The following SETD2 variants were observed in gnomAD, a reference collection of about 807,000 sequenced individuals.
The protein encoded by SETD2 is SET domain containing 2, histone lysine methyltransferase.
A neutral mutation model predicts 242.1 loss-of-function variants in SETD2; 31 were observed. That is an observed-to-expected ratio of 0.13 (90% CI 0.10 to 0.17). The LOEUF is 0.17. Among genes scored for constraint, SETD2 ranks in the 10% least tolerant of loss-of-function variants. The pLI, the probability that SETD2 is intolerant of heterozygous loss-of-function variation, is 1.00. For synonymous variants in SETD2, 1,006 were observed against 1,066.5 expected (o/e 0.94, Z 1.11); for missense variants, 2,481 against 3,046.3 (o/e 0.81, Z 4.37).
chr3:47,123,988 A>G lies in SETD2; in HGVS notation c.648T>C (p.His216=), dbSNP rs2106717137. ...APVTEPVALP[H]TPITVLMAAP... is the part of the protein sequence containing the mutation. ...CTGCCATTAGAACTGTTATTGGTGT[A>G]TGTGGCAAGGCCACTGGCTCTGTTA... Residue 216 remains histidine (H), a synonymous_variant, in exon 3 of 21, where the codon CAT becomes CAC. Transcript: ENST00000409792. The G allele has an allele frequency of 6.4e-7, 1 of 1,552,106 alleles. No individual in the cohort carries two copies. Among genetic ancestry groups the G allele is most frequent in the Non-Finnish European group, 8.7e-7 (1 of 1,146,922 alleles).
At chr3:47,039,137 A>G (rs1258307885) in intron 17 of SETD2, among the ~76,000 whole-genome samples, 3 of 152,172 alleles carry the variant, frequency 2.0e-5, no homozygotes, top group Non-Finnish European at 4.4e-5. Flanking sequence ...AAATATATAC[A>G]TGTCTGTTCT....
Position 47,126,632 on chromosome 3 carries a change from G to A in SETD2, c.87+16C>T, listed in dbSNP as rs189001727. The A allele has an allele frequency of 5.7e-3, 7,419 of 1,306,892 alleles. 30 individuals carry two copies. Among genetic ancestry groups the A allele is most frequent in the Non-Finnish European group, 6.6e-3 (6,159 of 932,204 alleles). 81.0% of individuals were successfully genotyped at this position (1,306,892 alleles called of 1,614,324 possible). ...CCATCTCATAATCATTGAATGACTA[G>A]TTAAATTATACTTACCTCATTTTCT... On this transcript the variant is annotated intron_variant, in intron 2 of 20. Coordinates refer to ENST00000409792, the MANE Select transcript of SETD2 (RefSeq NM_014159.7).
intron 13 of SETD2, among the ~76,000 whole-genome samples, chr3:47,066,764 G>GA (rs528829322): frequency 6.6e-6 from 1 of 150,848 alleles, no homozygotes; most frequent in Non-Finnish European, 1.5e-5. Context: ...AATAATAAAA[G>GA]AAAAAAAGAC....
intron 4 of SETD2, among the ~76,000 whole-genome samples, chr3:47,114,385 T>C (rs1210838362): frequency 6.6e-6 from 1 of 152,242 alleles, no homozygotes; most frequent in African/African-American, 2.4e-5. Flanking sequence ...ACTTTTAATT[T>C]CATTTTTTGA....
intron 16 of SETD2, 128 bp from the exon 17 acceptor site, chr3:47,042,828 G>A: frequency 1.2e-6 from 1 of 843,418 alleles, no homozygotes; most frequent in South Asian, 1.7e-5. Context: ...ATAAAGGAAA[G>A]GTACAGTCTG....
intron 1 of SETD2, among the ~76,000 whole-genome samples, chr3:47,150,776 G>A (rs2106823279): frequency 6.6e-6 from 1 of 152,096 alleles, no homozygotes; most frequent in African/African-American, 2.4e-5. Context: ...GAGTCCAGGA[G>A]TTCGAGACCC....
At chr3:47,150,895 G>A (rs2043968427) in intron 1 of SETD2, among the ~76,000 whole-genome samples, 1 of 147,670 alleles carries the variant, frequency 6.8e-6, no homozygotes, top group African/African-American at 2.5e-5. Context: ...ATTTCAGCCT[G>A]AGTGACAGAG....
At chr3:47,060,110 C>G (rs960636660) in intron 14 of SETD2, among the ~76,000 whole-genome samples, 1 of 152,134 alleles carries the variant, frequency 6.6e-6, no homozygotes, top group Non-Finnish European at 1.5e-5. Context: ...AACAAAAAAA[C>G]CGGGCATCGT....
chr3:47,130,665 C>G (rs575740341), intron 1 of SETD2, among the ~76,000 whole-genome samples: 1 of 152,104 alleles, frequency 6.6e-6, no homozygotes, highest in East Asian at 1.9e-4. Flanking sequence ...ATTAAACTTC[C>G]TGTACTCCCT....
Position 47,121,337 on chromosome 3 carries a change from T to G in SETD2, c.3299A>C (p.His1100Pro). The change falls in exon 3 of 21, where the codon CAT becomes CCT. Residue 1100 changes from histidine to proline, a missense_variant. Coordinates refer to ENST00000409792, the MANE Select transcript of SETD2 (RefSeq NM_014159.7). ...TGACTCCAATCTCTCATCTTCCCAA[T>G]GGTCAGAATAGTGTCTATAACTTTG... ...SSQSYRHYSDHWEDERLESRR... is the reference protein window; with the variant it reads ...SSQSYRHYSDPWEDERLESRR... The G allele has an allele frequency of 6.2e-7, 1 of 1,610,862 alleles. No homozygotes were observed. Among genetic ancestry groups the G allele is most frequent in the Non-Finnish European group, 8.5e-7 (1 of 1,180,008 alleles).
At position 47,046,541 on chromosome 3, in the gene SETD2, T is replaced by G. The variant is rs115148593; in HGVS notation, c.7044A>C (p.Pro2348=). The change falls in exon 16 of 21, where the codon CCA becomes CCC. Residue 2348 remains proline, a synonymous_variant. Transcript: ENST00000409792. ...CAACTATTGTAGTCACTGCTGCGGC[T>G]GGCTGTACCACCACTCCTTGTGGAT... ...TAHPQGVVVQ[P]AAAVTTIVAP... 4.3e-6 allele frequency: 7 copies of G among 1,613,390 alleles called. 1 individual carries two copies. Among genetic ancestry groups the G allele is most frequent in the African/African-American group, 4.0e-5 (3 of 75,050 alleles).
Position 47,098,001 on chromosome 3 carries a change from G to T in SETD2, c.5096C>A (p.Ala1699Glu), listed in dbSNP as rs2107674352. ...LGGENRVSIR[A>E]AGGKMKKERS... ...TTCCTTCTTCATTTTCCCTCCTGCT[G>T]CTCTGATGCTGACTCTGTTTTCTCC... Residue 1699 changes from alanine to glutamate, a missense_variant, in exon 9 of 21, where the codon GCA becomes GAA. Around this residue, in one of 17 missense-constraint regions of SETD2, gnomAD observed 61 missense variants for 221.4 expected, o/e 0.28. Coordinates refer to ENST00000409792, the MANE Select transcript of SETD2 (RefSeq NM_014159.7). The T allele has an allele frequency of 6.2e-7, 1 of 1,613,848 alleles. No individual in the cohort carries two copies.
intron 1 of SETD2, 94 bp downstream of exon 1, chr3:47,163,760 G>C (rs1337786979): frequency 2.6e-6 from 3 of 1,153,934 alleles, no homozygotes; most frequent in Non-Finnish European, 1.1e-6. Flanking sequence ...GTTACTCCTC[G>C]CGCCGGCCCG....
At chr3:47,041,520 A>C (rs2039279793) in intron 17 of SETD2, 7 of 266,516 alleles carry the variant, frequency 2.6e-5, no homozygotes, top group South Asian at 2.4e-4. Flanking sequence ...TAAAGAAAAA[A>C]TTCCATAGTT....
rs1042557310 is a variant in SETD2, at chr3:47,109,679, A to G, written c.4716-3559T>C. Among the ~76,000 whole-genome samples the G allele has an allele frequency of 3.3e-5, 5 of 152,054 alleles. No homozygotes were observed. In the South Asian group the frequency reaches 8.3e-4, roughly 25 times the overall value. ...CAACAAAAAAATGTGGAGGGGAAAG[A>G]TGGCTTCTAAAAAAGCCTCATTTCG... is the stretch of plus-strand genomic sequence containing the variant. On this transcript the variant is annotated intron_variant, in intron 5 of 20. Transcript: ENST00000409792.
intron 18 of SETD2, among the ~76,000 whole-genome samples, chr3:47,028,670 TAGC>T (rs1275387180): frequency 1.3e-5 from 2 of 152,180 alleles, no homozygotes; most frequent in Non-Finnish European, 2.9e-5. Flanking sequence ...CAACTGAAAA[TAGC>T]AGGCAACTAT....
chr3:47,043,741 C>T (rs571779323), intron 16 of SETD2, among the ~76,000 whole-genome samples: 90 of 152,250 alleles, frequency 5.9e-4, no homozygotes, highest in African/African-American at 1.9e-3. Flanking sequence ...TTTTTTATCT[C>T]TTATTTCACC....
chr3:47,075,579 A>G (rs2041034883), intron 12 of SETD2, among the ~76,000 whole-genome samples: 1 of 151,610 alleles, frequency 6.6e-6, no homozygotes, highest in African/African-American at 2.4e-5. Context: ...AAAAAAAAAA[A>G]AAAAAAAAAG....
At chr3:47,049,671 C>A (rs1382438354) in intron 15 of SETD2, among the ~76,000 whole-genome samples, 1 of 146,492 alleles carries the variant, frequency 6.8e-6, no homozygotes, top group Non-Finnish European at 1.5e-5. Flanking sequence ...CGCGCCTGGC[C>A]TATATATAAA....
Sources: allele counts gnomAD v4.1 joint callset (sites outside exome capture counted in the v4.1 genomes callset), GRCh38; gene constraint gnomAD v4.1.1; regional missense constraint gnomAD v4.1.1; transcripts MANE v1.5; gene names NCBI Gene and HGNC (gene_info 2026-07-23, HGNC 2026-07-21).